The following ENOX1 variants were observed in gnomAD, a reference collection of about 807,000 sequenced individuals.
ENOX1 encodes the protein candidate growth-related and time keeping constitutive hydroquinone (NADH) oxidase.
Under a neutral mutation model 82.5 loss-of-function variants are expected in ENOX1, and 42 were observed. That is an observed-to-expected ratio of 0.51 (90% CI 0.40 to 0.66). ENOX1 has a LOEUF of 0.66. Ranked by LOEUF, ENOX1 falls within the 30% of genes least tolerant of loss-of-function variation. The pLI, the probability that ENOX1 is intolerant of heterozygous loss-of-function variation, is 0.00. For missense variants in ENOX1, 608 were observed against 811.6 expected, an observed-to-expected ratio of 0.75 and a Z score of 3.05; for synonymous variants, 271 against 282.2, an observed-to-expected ratio of 0.96 and a Z score of 0.40.
intron 12 of ENOX1, among the ~76,000 whole-genome samples, chr13:43,289,237 C>G (rs1264404946): frequency 6.6e-6 from 1 of 152,034 alleles, no homozygotes; most frequent in African/African-American, 2.4e-5. Flanking sequence ...TCATATGGAA[C>G]CAAAAAGAGC....
chr13:43,671,623 G>C (rs2085271835), intron 1 of ENOX1, among the ~76,000 whole-genome samples: 1 of 152,144 alleles, frequency 6.6e-6, no homozygotes, highest in Non-Finnish European at 1.5e-5. Flanking sequence ...GTGACGACCT[G>C]ATCACAGCCC....
intron 12 of ENOX1, among the ~76,000 whole-genome samples, chr13:43,294,535 G>GCATGATGGTA (rs1403373594): frequency 1.3e-5 from 2 of 152,206 alleles, no homozygotes; most frequent in African/African-American, 4.8e-5. Context: ...CCGAGGGAAT[G>GCATGATGGTA]CATGATGGTA....
intron 2 of ENOX1, chr13:43,609,979 A>C (rs1219233809): frequency 1.2e-6 from 1 of 812,564 alleles, no homozygotes; most frequent in Non-Finnish European, 1.5e-6. Context: ...TTGTTTTATC[A>C]GGAAATAACT....
intron 1 of ENOX1, among the ~76,000 whole-genome samples, chr13:43,679,259 T>C (rs949163743): frequency 1.3e-5 from 2 of 152,210 alleles, no homozygotes; most frequent in Non-Finnish European, 2.9e-5. Context: ...CAGATTTCTA[T>C]GCCATGATCA....
At chr13:43,722,227 T>C (rs1405703045) in intron 1 of ENOX1, among the ~76,000 whole-genome samples, 1 of 152,240 alleles carries the variant, frequency 6.6e-6, no homozygotes, top group Admixed American at 6.5e-5. Context: ...ATGTTAGTTA[T>C]TATGATCCTA....
chr13:43,218,711 A>G (rs2041622462), intron 16 of ENOX1, among the ~76,000 whole-genome samples: 1 of 152,206 alleles, frequency 6.6e-6, no homozygotes, highest in Admixed American at 6.5e-5. Context: ...AAGAAAGATC[A>G]GGGAGAAAGC....
At chr13:43,647,715 C>G (rs903661) in intron 2 of ENOX1, among the ~76,000 whole-genome samples, 151,026 of 152,302 alleles carry the variant, frequency 0.99, 74,894 homozygotes, top group Middle Eastern at 1. Flanking sequence ...AGATGTCCAG[C>G]GTCTATTTCC....
chr13:43,220,703 C>T (rs927014376), intron 16 of ENOX1, among the ~76,000 whole-genome samples: 4 of 152,086 alleles, frequency 2.6e-5, no homozygotes, highest in African/African-American at 7.2e-5. Flanking sequence ...GTATTGTTAT[C>T]TCTGCTGTCA....
At chr13:43,698,182 A>AT (rs1332072199) in intron 1 of ENOX1, among the ~76,000 whole-genome samples, 1 of 152,150 alleles carries the variant, frequency 6.6e-6, no homozygotes, top group East Asian at 1.9e-4. Flanking sequence ...TTCACCTAAA[A>AT]TTTTACTTTA....
chr13:43,747,554 T>C (rs1950091453), intron 1 of ENOX1, among the ~76,000 whole-genome samples: 1 of 152,196 alleles, frequency 6.6e-6, no homozygotes, highest in Admixed American at 6.5e-5. Context: ...TCTTCACACT[T>C]CATGGACAGG....
intron 5 of ENOX1, among the ~76,000 whole-genome samples, chr13:43,380,556 C>A (rs2051968790): frequency 6.6e-6 from 1 of 151,482 alleles, no homozygotes; most frequent in African/African-American, 2.4e-5. Flanking sequence ...AACCCAATCA[C>A]ACTGATAATC....
intron 9 of ENOX1, among the ~76,000 whole-genome samples, chr13:43,340,978 G>A (rs576278301): frequency 6.6e-6 from 1 of 152,112 alleles, no homozygotes; most frequent in Non-Finnish European, 1.5e-5. Flanking sequence ...CTACTCATTT[G>A]GATAAGTGTT....
At chr13:43,571,668 C>T (rs192005932) in intron 2 of ENOX1, among the ~76,000 whole-genome samples, 290 of 152,174 alleles carry the variant, frequency 1.9e-3, no homozygotes, top group African/African-American at 6.7e-3. Context: ...CCAGCCTGGG[C>T]AACAAGAATG....
rs529206425 is a variant in ENOX1 at position 43,730,033 on chromosome 13, C to T, written c.-285+56619G>A. On this transcript the variant is annotated intron_variant, in intron 1 of 16. Coordinates refer to ENST00000690772, the MANE Select transcript of ENOX1 (RefSeq NM_001347969.2). ...CTCCAGAGGATCCCCACTCTATCTGCGGAAGATCTCCTCCACCCTGTGGGG... is the reference window on the plus strand; with the variant it reads ...CTCCAGAGGATCCCCACTCTATCTGTGGAAGATCTCCTCCACCCTGTGGGG... Among the ~76,000 whole-genome samples, 4 of 152,312 alleles carry T rather than the reference C, an allele frequency of 2.6e-5. 1 individual carries two copies. The South Asian group carries it at 6.2e-4, about 24-fold the overall frequency.
intron 5 of ENOX1, among the ~76,000 whole-genome samples, chr13:43,364,985 G>T (rs947506481): frequency 9.2e-5 from 14 of 152,130 alleles, no homozygotes; most frequent in African/African-American, 3.4e-4. Context: ...AGAGACTGCA[G>T]GAATTAGATC....
chr13:43,756,041 T>C (rs779074441), intron 1 of ENOX1, among the ~76,000 whole-genome samples: 1 of 152,198 alleles, frequency 6.6e-6, no homozygotes, highest in Non-Finnish European at 1.5e-5. Flanking sequence ...AGGCTATAAA[T>C]ATATGTGGTT....
chr13:43,493,102 T>A (rs576098567), intron 2 of ENOX1, among the ~76,000 whole-genome samples: 1 of 152,286 alleles, frequency 6.6e-6, no homozygotes, highest in East Asian at 1.9e-4. Context: ...TATAACTACA[T>A]GAGCTAATTC....
At chr13:43,701,231 A>C (rs2086891193) in intron 1 of ENOX1, among the ~76,000 whole-genome samples, 1 of 152,170 alleles carries the variant, frequency 6.6e-6, no homozygotes, top group Non-Finnish European at 1.5e-5. Context: ...CTTTTTGTAC[A>C]CGTGCATTTG....
chr13:43,360,178 G>T, intron 6 of ENOX1, 121 bp from the exon 7 acceptor site: 1 of 776,252 alleles, frequency 1.3e-6, no homozygotes, highest in Non-Finnish European at 1.9e-6. Flanking sequence ...AAATTTCTAT[G>T]CCAACTTAAC....
Sources: gnomAD v4.1 joint callset for allele counts (sites outside exome capture counted in the v4.1 genomes callset) on GRCh38, gnomAD v4.1.1 for gene constraint, MANE v1.5 for transcripts, NCBI Gene and HGNC (gene_info 2026-07-23, HGNC 2026-07-21) for gene names.